The following SIGLEC1 variants were observed in gnomAD, a reference collection of about 807,000 sequenced individuals.
SIGLEC1 encodes the protein sialic acid binding Ig like lectin 1.
Under a neutral mutation model 148.0 loss-of-function variants are expected in SIGLEC1, and 132 were observed. The ratio of observed to expected loss-of-function variants is 0.89; its 90% CI spans 0.77 to 1.03. The LOEUF is 1.03. SIGLEC1 is among the 50% of genes least tolerant of loss of function. The pLI is 0.00. For synonymous variants in SIGLEC1, 945 were observed against 969.0 expected (o/e 0.98, Z 0.46); for missense variants, 2,253 against 2,271.4 (o/e 0.99, Z 0.16).
Position 3,706,599 on chromosome 20 carries a change from C to T in SIGLEC1, c.157G>A (p.Asp53Asn), listed in dbSNP as rs761291491. The change falls in exon 3 of 22, where the codon GAC becomes AAC. Residue 53 changes from aspartate (D) to asparagine (N), a missense_variant. Physicochemically the swap from Asp to Asn is conservative, Grantham distance 23 (BLOSUM62 1). Coordinates refer to ENST00000344754, the MANE Select transcript of SIGLEC1 (RefSeq NM_023068.4). ...TAGTACCAGATGGCCGTGATGCCGT[C>T]GGGCACCTCCACGTCGGCAGGGAAG... ...FSFPADVEVP[D>N]GITAIWYYDY... The T allele has an allele frequency of 7.5e-6, 12 of 1,610,000 alleles. No homozygotes were observed. The highest frequency in any genetic ancestry group is 5.3e-5 in the African/African-American group (4 of 74,876).
In SIGLEC1 at chr20:3,691,892, C is replaced by T. The variant is rs1380656752; in HGVS notation, c.4330+11G>A. The T allele has an allele frequency of 1.3e-6, 2 of 1,559,888 alleles. No individual in the cohort carries two copies. Among genetic ancestry groups the T allele is most frequent in the African/African-American group, 2.7e-5 (2 of 74,192 alleles). The stretch of plus-strand genomic sequence containing the variant: ...ATCAGAGCCCCTCCTCCTCCCCTCT[C>T]TTCCACTCACCTTCTACCTGCAACC... On this transcript the variant is annotated intron_variant, in intron 17 of 21. Coordinates refer to ENST00000344754, the MANE Select transcript of SIGLEC1 (RefSeq NM_023068.4).
rs149605823 is a variant in SIGLEC1, at chr20:3,689,238, C to A, written c.4998-11G>T. 2 of 1,612,962 alleles carry A rather than the reference C, an allele frequency of 1.2e-6. No homozygotes were observed. Among genetic ancestry groups the A allele is most frequent in the East Asian group, 4.5e-5 (2 of 44,882 alleles). On this transcript the variant is annotated splice_polypyrimidine_tract_variant and intron_variant, in intron 20 of 21. Coordinates refer to ENST00000344754, the MANE Select transcript of SIGLEC1 (RefSeq NM_023068.4). Reference sequence around the variant, plus strand: ...CAAACACGCCTCCTTCTGCAAGGCCCGGAGTGGACTCAGAGAGCCTCTCCC... The same window carrying A: ...CAAACACGCCTCCTTCTGCAAGGCCAGGAGTGGACTCAGAGAGCCTCTCCC...
At chr20:3,711,841 C>T (rs780189077) in intron 1 of SIGLEC1, among the ~76,000 whole-genome samples, 4 of 152,268 alleles carry the variant, frequency 2.6e-5, no homozygotes, top group East Asian at 3.9e-4. Context: ...CTCCTGTGGA[C>T]GGACGAAGTG....
In SIGLEC1 at chr20:3,692,566, CATCCT is replaced by C; in HGVS notation, c.3980_3984del (p.Gln1327ArgfsTer44). The C allele has an allele frequency of 6.2e-7, 1 of 1,609,446 alleles. No homozygotes were observed. Among genetic ancestry groups the C allele is most frequent in the Non-Finnish European group, 8.5e-7 (1 of 1,179,532 alleles). On this transcript the variant is annotated frameshift_variant, in exon 16 of 22. Coordinates refer to ENST00000344754, the MANE Select transcript of SIGLEC1 (RefSeq NM_023068.4). LOFTEE classifies it high-confidence loss of function. ...GGACGGGAGCTGCGGGTGCCCTGGG[CATCCT>C]GGGCCTGGCAAGAGTAGGCGCCTGC...
chr20:3,690,388 T>C, intron 18 of SIGLEC1, 124 bp from the exon 19 acceptor site: 1 of 768,282 alleles, frequency 1.3e-6, no homozygotes, highest in Non-Finnish European at 2.0e-6. Context: ...CCTCACTCCT[T>C]GAATCTGTGA....
At chr20:3,693,421 C>T in intron 14 of SIGLEC1, 26 bp downstream of exon 14, 3 of 1,543,276 alleles carry the variant, frequency 1.9e-6, no homozygotes, top group Non-Finnish European at 2.6e-6. Context: ...TCCTGTGAGT[C>T]CCACCCTGCA....
chr20:3,705,851 T>C lies in SIGLEC1; in HGVS notation c.599A>G (p.Glu200Gly). Reference sequence around the variant, plus strand: ...CCAGGACATGGCCATGTGGAGGGTCTCCAGGTGGCCGACGCCGGTGGGCTC... The same window carrying C: ...CCAGGACATGGCCATGTGGAGGGTCCCCAGGTGGCCGACGCCGGTGGGCTC... ...KFEPTGVGHL[E>G]TLHMAMSWQD... is the part of the protein sequence containing the mutation. Residue 200 changes from glutamate to glycine, a missense_variant, in exon 4 of 22, where the codon GAG (glutamate) becomes GGG (glycine). Transcript: ENST00000344754. 6.2e-7 allele frequency: 1 copy of C among 1,614,130 alleles called. No individual in the cohort carries two copies. Among genetic ancestry groups the C allele is most frequent in the Non-Finnish European group, 8.5e-7 (1 of 1,180,038 alleles).
Position 3,705,857 on chromosome 20 carries a change from T to A in SIGLEC1, c.593A>T (p.His198Leu), listed in dbSNP as rs1199668695. 6.2e-7 allele frequency: 1 copy of A among 1,614,148 alleles called. No individual in the cohort carries two copies. Among genetic ancestry groups the A allele is most frequent in the African/African-American group, 1.3e-5 (1 of 75,070 alleles). ...CATGGCCATGTGGAGGGTCTCCAGG[T>A]GGCCGACGCCGGTGGGCTCAAACTT... ...SQKFEPTGVG[H>L]LETLHMAMSW... Residue 198 changes from histidine to leucine, a missense_variant, in exon 4 of 22, where the codon CAC (histidine) becomes CTC (leucine). Physicochemically the swap from His to Leu is moderately conservative, Grantham distance 99. Transcript: ENST00000344754.
At chr20:3,702,993 GT>G in intron 6 of SIGLEC1, 1 of 586,476 alleles carries the variant, frequency 1.7e-6, no homozygotes, top group Non-Finnish European at 3.0e-6. Context: ...CTTTTCATAA[GT>G]TTAAACTTCC....
At chr20:3,700,314 C>T (rs1359193821) in intron 7 of SIGLEC1, among the ~76,000 whole-genome samples, 1 of 151,840 alleles carries the variant, frequency 6.6e-6, no homozygotes, top group Non-Finnish European at 1.5e-5. Flanking sequence ...GACGGGGTTT[C>T]ACCACGTTGG....
At position 3,696,712 on chromosome 20, in the gene SIGLEC1, T is replaced by C. The variant is rs1051013328; in HGVS notation, c.2557A>G (p.Lys853Glu). ...QVPSHGRFQA[K>E]AEANSLKLEV... is the part of the protein sequence containing the mutation. ...AACTTCAGGGAGTTGGCCTCAGCTT[T>C]AGCCTGGAACCGACCATGGGATGGG... The change falls in exon 11 of 22, where the codon AAA becomes GAA. Residue 853 changes from lysine (K) to glutamate (E), a missense_variant. Coordinates refer to ENST00000344754, the MANE Select transcript of SIGLEC1 (RefSeq NM_023068.4). 1 of 1,613,684 alleles carries C rather than the reference T, an allele frequency of 6.2e-7. No homozygotes were observed. The highest frequency in any genetic ancestry group is 8.5e-7 in the Non-Finnish European group (1 of 1,180,010).
Position 3,701,374 on chromosome 20 carries a change from T to G in SIGLEC1, c.1496A>C (p.Asn499Thr). The G allele has an allele frequency of 6.2e-7, 1 of 1,613,668 alleles. No individual in the cohort carries two copies. The highest frequency in any genetic ancestry group is 8.5e-7 in the Non-Finnish European group (1 of 1,179,676). Residue 499 changes from asparagine to threonine, a missense_variant, in exon 7 of 22, where the codon AAT becomes ACT. By Grantham distance (65) the Asn-to-Thr change is moderately conservative. Coordinates refer to ENST00000344754, the MANE Select transcript of SIGLEC1 (RefSeq NM_023068.4). ...YKCSATNSLG[N>T]ATSTLDFHAN... ...ATGGAAGTCCAGGGTGGAGGTTGCA[T>G]TTCCAAGGGAGTTGGTGGCTGAGCA...
In SIGLEC1 at chr20:3,707,161, A is replaced by C. The variant is rs2087903201; in HGVS notation, c.-33T>G. 3 of 1,611,242 alleles carry C rather than the reference A, an allele frequency of 1.9e-6. No homozygotes were observed. In the East Asian group the frequency reaches 6.7e-5, roughly 36 times the overall value. ...TCTTGTGCTGCTCCTGTTGCCTAAG[A>C]GGGTGGTGCGCACTGCGCTGGCTGG... On this transcript the variant is annotated 5_prime_UTR_variant, in exon 2 of 22. Transcript: ENST00000344754.
chr20:3,692,169 CG>C lies in SIGLEC1; in HGVS notation c.4063del (p.Arg1355GlyfsTer10). 1 of 1,575,402 alleles carries C rather than the reference CG, an allele frequency of 6.3e-7. No homozygotes were observed. The highest frequency in any genetic ancestry group is 1.1e-5 in the South Asian group (1 of 88,462). ...APQDAVLSSFRDSRARSMAVI... is the reference protein window; with the variant it reads ...APQDAVLSSFXDSRARSMAVI... ...AGCCATGGATCTGGCCCTGGAGTCC[CG>C]GAAGGAGGACAGGACAGCGTCCTGA... On this transcript the variant is annotated frameshift_variant, in exon 17 of 22. Transcript: ENST00000344754. LOFTEE classifies it high-confidence loss of function.
At position 3,705,859 on chromosome 20, in the gene SIGLEC1, G is replaced by C. The variant is rs1245969455; in HGVS notation, c.591C>G (p.Gly197=). 1.2e-6 allele frequency: 2 copies of C among 1,614,140 alleles called. No homozygotes were observed. Among genetic ancestry groups the C allele is most frequent in the Non-Finnish European group, 1.7e-6 (2 of 1,180,042 alleles). The change falls in exon 4 of 22, where the codon GGC becomes GGG. Residue 197 remains glycine, a synonymous_variant. Transcript: ENST00000344754. The stretch of plus-strand genomic sequence containing the variant: ...TGGCCATGTGGAGGGTCTCCAGGTG[G>C]CCGACGCCGGTGGGCTCAAACTTCT... The part of the protein sequence containing the change: ...NSQKFEPTGV[G]HLETLHMAMS...
In SIGLEC1 at chr20:3,686,970, T is replaced by G. The variant is rs559072498; in HGVS notation, c.*1590A>C. On this transcript the variant is annotated 3_prime_UTR_variant, in exon 22 of 22. Coordinates refer to ENST00000344754, the MANE Select transcript of SIGLEC1 (RefSeq NM_023068.4). ...GTTGCAAGAAAGAGACTCACTCCAGTTGCGTCATAGGATGGAGTTTTATTG... is the reference window on the plus strand; with the variant it reads ...GTTGCAAGAAAGAGACTCACTCCAGGTGCGTCATAGGATGGAGTTTTATTG... 10 of 152,310 alleles carry G rather than the reference T, an allele frequency of 6.6e-5. No individual in the cohort carries two copies. The highest frequency in any genetic ancestry group is 1.7e-4 in the African/African-American group (7 of 41,574). 9.4% of individuals were successfully genotyped at this position (152,310 alleles called of 1,614,324 possible). A position where few individuals can be genotyped will look rare whatever the true frequency, so the allele number is the denominator to read the frequency against.
rs1312173083 is a variant in SIGLEC1, at chr20:3,706,716, G to T, written c.50-10C>A. ...CCCCATGAGGCCTGGCCTGGGGGAA[G>T]AACGGCAGGGGGACAGAGGGGAGGG... On this transcript the variant is annotated splice_polypyrimidine_tract_variant and intron_variant, in intron 2 of 21. Coordinates refer to ENST00000344754, the MANE Select transcript of SIGLEC1 (RefSeq NM_023068.4). The T allele has an allele frequency of 2.0e-6, 3 of 1,530,958 alleles. No individual in the cohort carries two copies. Among genetic ancestry groups the T allele is most frequent in the Middle Eastern group, 1.7e-4 (1 of 5,762 alleles). The allele number at this position is 1,530,958 out of a possible 1,614,324, so 94.8% of individuals were successfully genotyped here. A position where few individuals can be genotyped will look rare whatever the true frequency, so the allele number is the denominator to read the frequency against.
chr20:3,696,724 G>C lies in SIGLEC1; in HGVS notation c.2545C>G (p.Arg849Gly). 6.2e-7 allele frequency: 1 copy of C among 1,613,648 alleles called. No individual in the cohort carries two copies. The highest frequency in any genetic ancestry group is 1.7e-4 in the Middle Eastern group (1 of 6,060). Residue 849 changes from arginine (R) to glycine (G), a missense_variant, in exon 11 of 22, where the codon CGG becomes GGG. Transcript: ENST00000344754. ...TTGGCCTCAGCTTTAGCCTGGAACC[G>C]ACCATGGGATGGGACCTGGGGACCC... The part of the protein sequence containing the change: ...SLGPQVPSHG[R>G]FQAKAEANSL...
Position 3,703,381 on chromosome 20 carries a change from T to G in SIGLEC1, c.1044A>C (p.Thr348=). 1 of 1,611,410 alleles carries G rather than the reference T, an allele frequency of 6.2e-7. No individual in the cohort carries two copies. The highest frequency in any genetic ancestry group is 8.5e-7 in the Non-Finnish European group (1 of 1,178,610). Reference sequence around the variant, plus strand: ...GGAGATCACTGGGTGCCTCATTGGGTGTGTTGCAGACTAGTGTCACTGTCT... The same window carrying G: ...GGAGATCACTGGGTGCCTCATTGGGGGTGTTGCAGACTAGTGTCACTGTCT... ...ENQTVTLVCN[T]PNEAPSDLRY... Residue 348 remains threonine, a synonymous_variant, in exon 6 of 22, where the codon ACA becomes ACC. Transcript: ENST00000344754.
Sources: allele counts gnomAD v4.1 joint callset (sites outside exome capture counted in the v4.1 genomes callset), GRCh38; gene constraint gnomAD v4.1.1; transcripts MANE v1.5; gene names NCBI Gene and HGNC (gene_info 2026-07-23, HGNC 2026-07-21).